The following CDK19 variants were observed in gnomAD, a reference collection of about 807,000 sequenced individuals.
CDK19 encodes cyclin-dependent kinase 19.
CDK19 carries 20 observed loss-of-function variants against 68.3 expected under a neutral mutation model. The ratio of observed to expected loss-of-function variants is 0.29; its 90% CI spans 0.21 to 0.43. The LOEUF (loss-of-function observed/expected upper bound fraction) is 0.43, where lower values mean the gene tolerates loss of function less well. CDK19 is among the 20% of genes least tolerant of loss of function. The pLI is 1.00. For missense variants in CDK19, 339 were observed against 623.5 expected, an observed-to-expected ratio of 0.54 and a Z score of 4.86; for synonymous variants, 221 against 222.8, an observed-to-expected ratio of 0.99 and a Z score of 0.07.
chr6:110,643,914 ATTAAAAT>A (rs1401357646), intron 4 of CDK19, among the ~76,000 whole-genome samples: 1 of 152,042 alleles, frequency 6.6e-6, no homozygotes, highest in African/African-American at 2.4e-5. Context: ...CCATCTCACT[ATTAAAAT>A]TTAAAATTTT....
At chr6:110,736,152 A>C (rs1777236461) in intron 2 of CDK19, among the ~76,000 whole-genome samples, 2 of 151,996 alleles carry the variant, frequency 1.3e-5, no homozygotes, top group Non-Finnish European at 2.9e-5. Flanking sequence ...GACCAGCCTG[A>C]CCAATATGGA....
chr6:110,643,235 G>A (rs1332686360), intron 4 of CDK19: 1 of 1,268,038 alleles, frequency 7.9e-7, no homozygotes, highest in East Asian at 5.6e-5. Flanking sequence ...CCAGCTAAAA[G>A]ACACAGGTAT....
intron 1 of CDK19, among the ~76,000 whole-genome samples, chr6:110,799,375 G>A (rs570531812): frequency 2.0e-5 from 3 of 152,100 alleles, no homozygotes; most frequent in South Asian, 2.1e-4. Context: ...GTGTGGGGAG[G>A]AGTATGCGGA....
intron 2 of CDK19, among the ~76,000 whole-genome samples, chr6:110,737,157 G>A (rs1316543043): frequency 6.6e-6 from 1 of 152,180 alleles, no homozygotes; most frequent in Admixed American, 6.5e-5. Context: ...TAGGGTGGCG[G>A]AAATGGAAAA....
intron 1 of CDK19, among the ~76,000 whole-genome samples, chr6:110,777,591 C>A (rs1780499020): frequency 6.6e-6 from 1 of 152,068 alleles, no homozygotes; most frequent in South Asian, 2.1e-4. Flanking sequence ...AGTGGTTCAT[C>A]AAAAAAATTA....
intron 12 of CDK19, among the ~76,000 whole-genome samples, chr6:110,619,028 T>C (rs1373694461): frequency 2.4e-4 from 37 of 152,138 alleles, no homozygotes; most frequent in Admixed American, 2.4e-3. Context: ...AAAGGAAAGT[T>C]TTTCCCTTGG....
At chr6:110,667,121 G>C (rs1031923108) in intron 4 of CDK19, among the ~76,000 whole-genome samples, 1 of 152,034 alleles carries the variant, frequency 6.6e-6, no homozygotes, top group African/African-American at 2.4e-5. Context: ...ATAATATGAA[G>C]AACAAATTGG....
chr6:110,711,163 A>G (rs1717474721), intron 2 of CDK19, among the ~76,000 whole-genome samples: 1 of 152,214 alleles, frequency 6.6e-6, no homozygotes, highest in African/African-American at 2.4e-5. Flanking sequence ...TGATACCTAC[A>G]ATAGGTTTCT....
At chr6:110,753,939 C>T (rs1413918453) in intron 1 of CDK19, among the ~76,000 whole-genome samples, 2 of 152,014 alleles carry the variant, frequency 1.3e-5, no homozygotes, top group Non-Finnish European at 2.9e-5. Context: ...TGTCAGTGCA[C>T]TTCCAAAATC....
chr6:110,777,307 T>C (rs545721016), intron 1 of CDK19, among the ~76,000 whole-genome samples: 1 of 152,208 alleles, frequency 6.6e-6, no homozygotes, highest in East Asian at 1.9e-4. Context: ...TAACAAATAA[T>C]ATTGGTGTAA....
intron 1 of CDK19, among the ~76,000 whole-genome samples, chr6:110,792,420 G>A (rs1781661980): frequency 6.7e-6 from 1 of 150,280 alleles, no homozygotes; most frequent in Non-Finnish European, 1.5e-5. Context: ...GTCTTGCTCT[G>A]TCACCCAGGC....
intron 2 of CDK19, among the ~76,000 whole-genome samples, chr6:110,675,433 G>A (rs1461668275): frequency 6.6e-6 from 1 of 152,036 alleles, no homozygotes; most frequent in Non-Finnish European, 1.5e-5. Context: ...TTCGAGACCA[G>A]CCTGACCAAC....
At position 110,614,499 on chromosome 6, in the gene CDK19, C is replaced by T; in HGVS notation, c.*36G>A. ...TGCAGACATATTGCTGGAGCCTGTG[C>T]TCTGGGCTGGGCTGGCCTGGCCCAA... is the stretch of plus-strand genomic sequence containing the variant. On this transcript the variant is annotated 3_prime_UTR_variant, in exon 13 of 13. Transcript: ENST00000368911. 55 of 1,602,548 alleles carry T rather than the reference C, an allele frequency of 3.4e-5. No homozygotes were observed. The highest frequency in any genetic ancestry group is 4.7e-5 in the Non-Finnish European group (55 of 1,172,872).
intron 1 of CDK19, among the ~76,000 whole-genome samples, chr6:110,791,600 C>A (rs1312895795): frequency 6.6e-6 from 1 of 152,054 alleles, no homozygotes; most frequent in Non-Finnish European, 1.5e-5. Flanking sequence ...CATACCACAC[C>A]ATTCATAATG....
At chr6:110,667,936 C>G (rs1388019698) in intron 3 of CDK19, among the ~76,000 whole-genome samples, 2 of 152,102 alleles carry the variant, frequency 1.3e-5, no homozygotes, top group East Asian at 3.8e-4. Flanking sequence ...TCTTCACTTT[C>G]TATAAAAAGT....
intron 4 of CDK19, among the ~76,000 whole-genome samples, chr6:110,658,025 G>A (rs929892186): frequency 6.6e-6 from 1 of 152,148 alleles, no homozygotes; most frequent in Non-Finnish European, 1.5e-5. Context: ...AAAAATCATA[G>A]CCCATGTCTA....
intron 4 of CDK19, among the ~76,000 whole-genome samples, chr6:110,658,836 C>T (rs1437859931): frequency 2.0e-5 from 3 of 152,088 alleles, no homozygotes; most frequent in East Asian, 1.9e-4. Flanking sequence ...AAAGAAAGGG[C>T]ATCTTTGGAT....
intron 8 of CDK19, 76 bp from the exon 9 acceptor site, chr6:110,623,438 T>C (rs1778840129): frequency 6.4e-7 from 1 of 1,564,872 alleles, no homozygotes; most frequent in Admixed American, 1.8e-5. Flanking sequence ...AGCTCCAGGA[T>C]TGGCTTTCCT....
At chr6:110,643,349 C>A in intron 4 of CDK19, 1 of 420,234 alleles carries the variant, frequency 2.4e-6, no homozygotes. Flanking sequence ...CAAAGGAAAG[C>A]TGAGTCAACT....
Sources: allele counts gnomAD v4.1 joint callset (sites outside exome capture counted in the v4.1 genomes callset), GRCh38; gene constraint gnomAD v4.1.1; transcripts MANE v1.5; gene names NCBI Gene and HGNC (gene_info 2026-07-23, HGNC 2026-07-21).